The following LIMS1 variants were observed in gnomAD, a reference collection of about 807,000 sequenced individuals.
LIMS1 encodes the protein LIM and senescent cell antigen-like-containing domain protein 1.
LIMS1 carries 18 observed loss-of-function variants against 44.1 expected under a neutral mutation model. The observed-to-expected ratio is 0.41, with a 90% CI of 0.28 to 0.61. The LOEUF (loss-of-function observed/expected upper bound fraction) is 0.61. LIMS1 is among the 20% of genes least tolerant of loss of function. The pLI is 0.32. For synonymous variants in LIMS1, 93 were observed against 149.1 expected, an observed-to-expected ratio of 0.62 and a Z score of 2.74; for missense variants, 201 against 422.0, an observed-to-expected ratio of 0.48 and a Z score of 4.59.
intron 1 of LIMS1, among the ~76,000 whole-genome samples, chr2:108,561,442 T>C (rs1438592680): frequency 1.3e-5 from 2 of 152,164 alleles, no homozygotes; most frequent in African/African-American, 4.8e-5. Context: ...TTAATAATAA[T>C]TTGTATTGAG....
Position 108,678,050 on chromosome 2 carries a change from G to C in LIMS1, c.823+23G>C, listed in dbSNP as rs750759034. The C allele has an allele frequency of 3.1e-6, 5 of 1,608,620 alleles. No individual in the cohort carries two copies. In the East Asian group the frequency reaches 8.9e-5, roughly 29 times the overall value. ...ATGGTAAGTATCTGTGTGAGTTTTA[G>C]ATTGGTGCCACTTTGACACAAAAAC... On this transcript the variant is annotated intron_variant, in intron 8 of 9. Transcript: ENST00000544547.
chr2:108,548,903 A>G (rs1034245759), intron 1 of LIMS1, among the ~76,000 whole-genome samples: 3 of 152,236 alleles, frequency 2.0e-5, no homozygotes, highest in Non-Finnish European at 4.4e-5. Context: ...CATGCTTTCC[A>G]GGATAAAGCA....
At position 108,647,450 on chromosome 2, in the gene LIMS1, C is replaced by T. The variant is rs144629534; in HGVS notation, c.33-12155C>T. Among the ~76,000 whole-genome samples, 679 of 152,316 alleles carry T rather than the reference C, an allele frequency of 4.5e-3. 3 individuals carry two copies. Among genetic ancestry groups the T allele is most frequent in the Non-Finnish European group, 8.0e-3 (541 of 68,020 alleles). On this transcript the variant is annotated intron_variant, in intron 1 of 9. Coordinates refer to ENST00000544547, the Ensembl canonical transcript of LIMS1. ...AAACAATAGAAAAAAGGGACTCCTC[C>T]CTAACTCATTTTATGAGGCCAGCAT...
chr2:108,597,350 AG>A (rs1310046317), intron 1 of LIMS1, among the ~76,000 whole-genome samples: 6 of 152,222 alleles, frequency 3.9e-5, no homozygotes, highest in African/African-American at 1.4e-4. Flanking sequence ...CCCCCAGTGC[AG>A]CCACAGCAAC....
intron 1 of LIMS1, among the ~76,000 whole-genome samples, chr2:108,554,911 G>A (rs971719671): frequency 1.3e-5 from 2 of 152,154 alleles, no homozygotes; most frequent in African/African-American, 2.4e-5. Flanking sequence ...ATCTATCTCA[G>A]ACCTACCAAA....
intron 1 of LIMS1, among the ~76,000 whole-genome samples, chr2:108,649,122 AAAAC>A (rs1690281407): frequency 6.6e-6 from 1 of 152,184 alleles, no homozygotes; most frequent in African/African-American, 2.4e-5. Flanking sequence ...ATAAAGAACT[AAAAC>A]AAATTTACAA....
intron 2 of LIMS1, chr2:108,662,611 CTTTT>C (rs1691457533): frequency 9.9e-7 from 1 of 1,008,500 alleles, no homozygotes; most frequent in South Asian, 2.6e-5. Context: ...TAAGACATTT[CTTTT>C]TGGTTAAATG....
At chr2:108,663,294 A>AT (rs1016712215) in intron 2 of LIMS1, among the ~76,000 whole-genome samples, 3 of 151,692 alleles carry the variant, frequency 2.0e-5, no homozygotes, top group Non-Finnish European at 4.4e-5. Context: ...AATTAAAAAA[A>AT]TTTTTTTTGC....
intron 9 of LIMS1, 97 bp from the exon 10 acceptor site, chr2:108,683,788 C>T: frequency 1.9e-6 from 1 of 534,940 alleles, no homozygotes; most frequent in Non-Finnish European, 3.3e-6. Flanking sequence ...ACCTAGTTGC[C>T]TTCGTTTAGT....
chr2:108,623,499 TG>T (rs1271551507), intron 1 of LIMS1, among the ~76,000 whole-genome samples: 2 of 152,178 alleles, frequency 1.3e-5, no homozygotes, highest in African/African-American at 4.8e-5. Context: ...GTGAGGCAGG[TG>T]GCATTGTTAT....
chr2:108,673,322 G>A, intron 5 of LIMS1: 2 of 488,076 alleles, frequency 4.1e-6, no homozygotes, highest in Non-Finnish European at 3.6e-6. Context: ...AATTTCTCAT[G>A]AGTCCCAGTA....
At chr2:108,559,192 AAGGC>A (rs1308816925) in intron 1 of LIMS1, among the ~76,000 whole-genome samples, 1 of 152,188 alleles carries the variant, frequency 6.6e-6, no homozygotes, top group East Asian at 1.9e-4. Context: ...TTCTCTGTAG[AAGGC>A]TATGAAGATA....
Position 108,619,683 on chromosome 2 carries a change from C to CA in LIMS1, c.33-39916dup, listed in dbSNP as rs1169482645. On this transcript the variant is annotated intron_variant, in intron 1 of 9. Coordinates refer to ENST00000544547, the Ensembl canonical transcript of LIMS1. Reference sequence around the variant, plus strand: ...TGGGTGACAGAGGGAGACTCTGTCTCAAAAAACAAAACAAAACAAAACAAA... The same window carrying CA: ...TGGGTGACAGAGGGAGACTCTGTCTCAAAAAAACAAAACAAAACAAAACAAA... 2.3e-4 allele frequency among the ~76,000 whole-genome samples: 35 copies of CA among 151,722 alleles called. No homozygotes were observed. The South Asian group carries it at 3.3e-3, about 14-fold the overall frequency.
chr2:108,661,879 CCTT>C (rs1280214990), intron 2 of LIMS1, among the ~76,000 whole-genome samples: 1 of 152,136 alleles, frequency 6.6e-6, no homozygotes, highest in Non-Finnish European at 1.5e-5. Context: ...TGTATCCCTC[CCTT>C]CTTTTTTTTC....
chr2:108,551,489 GCGCACACACACACACACA>G (rs1482795312), intron 1 of LIMS1, among the ~76,000 whole-genome samples: 431 of 111,968 alleles, frequency 3.8e-3, no homozygotes, highest in Non-Finnish European at 6.6e-3. Context: ...ATGCGCGCGC[GCGCACACACACACACACA>G]CACACACACA....
intron 1 of LIMS1, among the ~76,000 whole-genome samples, chr2:108,550,957 CA>C (rs112710223): frequency 1.1e-4 from 17 of 148,816 alleles, no homozygotes; most frequent in Admixed American, 1.3e-4. Flanking sequence ...CTCATCTCTA[CA>C]AAAAAAAAAT....
Position 108,660,066 on chromosome 2 carries a change from T to C in LIMS1, c.192+302T>C, listed in dbSNP as rs191795977. 1.6e-3 allele frequency: 706 copies of C among 447,566 alleles called. 2 individuals are homozygous for C. The Middle Eastern group carries it at 0.018, about 11-fold the overall frequency. The allele number at this position is 447,566 out of a possible 1,614,324, so 27.7% of individuals were successfully genotyped here. A position where few individuals can be genotyped will look rare whatever the true frequency, so the allele number is the denominator to read the frequency against. ...CAGACCTAAGCAGCTCAGCTCCACATAGAAAATTCTTTCTGAGTCTTCAGC... is the reference window on the plus strand; with the variant it reads ...CAGACCTAAGCAGCTCAGCTCCACACAGAAAATTCTTTCTGAGTCTTCAGC... On this transcript the variant is annotated intron_variant, in intron 2 of 9. Transcript: ENST00000544547.
At chr2:108,569,332 A>G (rs1027822288) in intron 1 of LIMS1, among the ~76,000 whole-genome samples, 1 of 152,110 alleles carries the variant, frequency 6.6e-6, no homozygotes, top group Non-Finnish European at 1.5e-5. Flanking sequence ...CAAAAGTTTT[A>G]AAGTTTGATA....
chr2:108,557,308 C>G (rs1335652885), intron 1 of LIMS1, among the ~76,000 whole-genome samples: 1 of 152,110 alleles, frequency 6.6e-6, no homozygotes, highest in Non-Finnish European at 1.5e-5. Context: ...AACTCCTGGG[C>G]TCAAGTGTTG....
Sources: allele counts gnomAD v4.1 joint callset (sites outside exome capture counted in the v4.1 genomes callset), GRCh38; gene constraint gnomAD v4.1.1; transcripts MANE v1.5; gene names NCBI Gene and HGNC (gene_info 2026-07-23, HGNC 2026-07-21).